ARHGEF9: variants seen among roughly 807,000 people sequenced by gnomAD.
The protein encoded by ARHGEF9 is Cdc42 guanine nucleotide exchange factor 9, also known as rho guanine nucleotide exchange factor 9.
Under a neutral mutation model 41.3 loss-of-function variants are expected in ARHGEF9, and 2 were observed. That is an observed-to-expected ratio of 0.05 (90% CI 0.02 to 0.15). The LOEUF (loss-of-function observed/expected upper bound fraction) is 0.15. Among genes scored for constraint, ARHGEF9 ranks in the 10% least tolerant of loss-of-function variants. The pLI, the probability that ARHGEF9 is intolerant of heterozygous loss-of-function variation, is 1.00. For synonymous variants in ARHGEF9, 160 were observed against 154.4 expected, an observed-to-expected ratio of 1.04 and a Z score of -0.27; for missense variants, 225 against 424.7, an observed-to-expected ratio of 0.53 and a Z score of 4.13.
intron 1 of ARHGEF9, among the ~76,000 whole-genome samples, chrX:63,769,869 C>A (rs2056175367): frequency 1.8e-5 from 2 of 112,403 alleles, no homozygotes; most frequent in Admixed American, 1.9e-4. Flanking sequence ...GATGCCCAGG[C>A]AAAAGTTTGC....
intron 4 of ARHGEF9, among the ~76,000 whole-genome samples, chrX:63,684,721 T>C (rs2050871749): frequency 9.1e-6 from 1 of 109,959 alleles, no homozygotes; most frequent in Non-Finnish European, 1.9e-5. Flanking sequence ...CCTCTATTTT[T>C]AATTTATTTA....
chrX:63,773,424 T>C (rs2056236234), intron 1 of ARHGEF9, among the ~76,000 whole-genome samples: 1 of 111,848 alleles, frequency 8.9e-6, no homozygotes, highest in Non-Finnish European at 1.9e-5. Flanking sequence ...GATCATACTC[T>C]GCCCACCCAA....
intron 6 of ARHGEF9, among the ~76,000 whole-genome samples, chrX:63,667,775 A>T (rs183228890): frequency 9.0e-6 from 1 of 111,104 alleles, no homozygotes; most frequent in Non-Finnish European, 1.9e-5. Context: ...CCTCAATATT[A>T]TCCAGGAACT....
At chrX:63,664,918 A>G (rs1556345957) in intron 7 of ARHGEF9, among the ~76,000 whole-genome samples, 1 of 111,975 alleles carries the variant, frequency 8.9e-6, no homozygotes, top group African/African-American at 3.3e-5. Context: ...GCCCAGAAAA[A>G]TGTAACACTA....
chrX:63,682,858 G>A (rs1477079347), intron 4 of ARHGEF9, among the ~76,000 whole-genome samples: 35 of 111,783 alleles, frequency 3.1e-4, no homozygotes, highest in African/African-American at 8.8e-4. Context: ...GGCCATTTAT[G>A]AGATGCCCAC....
chrX:63,662,031 G>A (rs2049253924), intron 7 of ARHGEF9, among the ~76,000 whole-genome samples: 1 of 111,536 alleles, frequency 9.0e-6, no homozygotes, highest in South Asian at 3.7e-4. Flanking sequence ...CTAGTGATGG[G>A]GACCTCACTA....
Position 63,655,751 on chromosome X carries a change from AAG to A in ARHGEF9, c.1078-16_1078-15del, listed in dbSNP as rs782394000. Reference sequence around the variant, plus strand: ...CCGGATTAGGTCCTAGATGGGAAGGAAGAGGTTTCTTGAAGGTATGTGCACGG... The same window carrying A: ...CCGGATTAGGTCCTAGATGGGAAGGAAGGTTTCTTGAAGGTATGTGCACGG... On this transcript the variant is annotated splice_polypyrimidine_tract_variant and intron_variant, in intron 7 of 9. Coordinates refer to ENST00000671741, the MANE Select transcript of ARHGEF9 (RefSeq NM_001353921.2). The A allele has an allele frequency of 8.3e-7, 1 of 1,203,818 alleles. No individual in the cohort carries two copies. The highest frequency in any genetic ancestry group is 1.8e-5 in the African/African-American group (1 of 57,019).
intron 2 of ARHGEF9, among the ~76,000 whole-genome samples, chrX:63,712,745 A>G (rs1556407635): frequency 1.8e-5 from 2 of 112,022 alleles, no homozygotes; most frequent in Non-Finnish European, 3.8e-5. Flanking sequence ...ATACATAAAA[A>G]GCTAAAACTG....
In ARHGEF9 at chrX:63,785,122, C is replaced by A; in HGVS notation, c.24G>T (p.Ser8=). 1 of 1,165,281 alleles carries A rather than the reference C, an allele frequency of 8.6e-7. No homozygotes were observed. The highest frequency in any genetic ancestry group is 1.8e-5 in the African/African-American group (1 of 56,196). The stretch of plus-strand genomic sequence containing the variant: ...CAAGGTTACATGCACTCACCATTCC[C>A]GATCCGCCCCTTATCCACTGCATGG... The part of the protein sequence containing the change: MQWIRGG[S]GMLITGDSIV... Residue 8 remains serine (S), a synonymous_variant, in exon 1 of 10, where the codon TCG becomes TCT. Transcript: ENST00000671741.
intron 8 of ARHGEF9, among the ~76,000 whole-genome samples, chrX:63,644,701 A>T (rs1469330400): frequency 6.4e-5 from 7 of 110,151 alleles, no homozygotes; most frequent in African/African-American, 2.0e-4. Context: ...AACAGACATC[A>T]TAATATTACT....
intron 1 of ARHGEF9, among the ~76,000 whole-genome samples, chrX:63,742,380 C>T (rs1258943980): frequency 9.0e-6 from 1 of 111,131 alleles, no homozygotes; most frequent in Non-Finnish European, 1.9e-5. Flanking sequence ...ACTCTGCTTG[C>T]TCCCCCCAAC....
At chrX:63,654,057 T>C (rs1326873457) in intron 8 of ARHGEF9, among the ~76,000 whole-genome samples, 4 of 109,311 alleles carry the variant, frequency 3.7e-5, no homozygotes, top group African/African-American at 1.0e-4. Context: ...TTATGAAAGT[T>C]ATTACTGAGT....
In ARHGEF9 at chrX:63,697,350, A is replaced by C. The variant is rs782571021; in HGVS notation, c.403-46T>G. ...TAGGCTGAGGAAGTCCCTGACTTCC[A>C]GAAGGCTTTACACTTCCTAAGCACT... On this transcript the variant is annotated intron_variant, in intron 3 of 9. Coordinates refer to ENST00000671741, the MANE Select transcript of ARHGEF9 (RefSeq NM_001353921.2). The C allele has an allele frequency of 4.4e-6, 5 of 1,145,430 alleles. No homozygotes were observed. In the Admixed American group the frequency reaches 1.1e-4, roughly 25 times the overall value. The allele number at this position is 1,145,430 out of a possible 1,213,427, so 94.4% of individuals were successfully genotyped here.
chrX:63,713,486 TAA>T (rs1435523028), intron 2 of ARHGEF9, among the ~76,000 whole-genome samples: 6 of 109,892 alleles, frequency 5.5e-5, no homozygotes, highest in Non-Finnish European at 1.1e-4. Context: ...TCTGTCTGAA[TAA>T]AGTTGCCAGC....
chrX:63,766,085 T>C (rs1354390891), intron 1 of ARHGEF9, among the ~76,000 whole-genome samples: 2 of 112,517 alleles, frequency 1.8e-5, no homozygotes, highest in Admixed American at 1.9e-4. Context: ...ATATTACATA[T>C]TTAGTCATTT....
intron 1 of ARHGEF9, chrX:63,754,469 G>A: frequency 1.8e-6 from 2 of 1,129,830 alleles, no homozygotes; most frequent in Non-Finnish European, 2.3e-6. Flanking sequence ...CGACAGCTCA[G>A]GTGGCTGGAC....
At chrX:63,646,857 C>A (rs1457761492) in intron 8 of ARHGEF9, among the ~76,000 whole-genome samples, 40 of 111,764 alleles carry the variant, frequency 3.6e-4, no homozygotes, top group Non-Finnish European at 5.3e-4. Context: ...TCTTCCTACC[C>A]ATGAGCATGG....
At chrX:63,781,635 C>A (rs1195990059) in intron 1 of ARHGEF9, among the ~76,000 whole-genome samples, 1 of 111,881 alleles carries the variant, frequency 8.9e-6, no homozygotes, top group Non-Finnish European at 1.9e-5. Context: ...CTGATCCAAG[C>A]AACCATCACG....
chrX:63,645,298 T>C (rs2047954500), intron 8 of ARHGEF9, among the ~76,000 whole-genome samples: 1 of 110,524 alleles, frequency 9.0e-6, no homozygotes, highest in African/African-American at 3.3e-5. Context: ...TACATATGTA[T>C]ACATGTGCCA....
Sources: allele counts gnomAD v4.1 joint callset (sites outside exome capture counted in the v4.1 genomes callset), GRCh38; gene constraint gnomAD v4.1.1; transcripts MANE v1.5; gene names NCBI Gene and HGNC (gene_info 2026-07-23, HGNC 2026-07-21).